The following CA4 variants were observed in gnomAD, a reference collection of about 807,000 sequenced individuals.
CA4 encodes CA-IV.
CA4 carries 24 observed loss-of-function variants against 34.5 expected under a neutral mutation model. The ratio of observed to expected loss-of-function variants is 0.70; its 90% CI spans 0.50 to 0.98. The LOEUF is 0.98. Ranked by LOEUF, CA4 falls within the 50% of genes least tolerant of loss-of-function variation. The pLI, the probability that CA4 is intolerant of heterozygous loss-of-function variation, is 0.00. For synonymous variants in CA4, 178 were observed against 170.6 expected, an observed-to-expected ratio of 1.04 and a Z score of -0.34; for missense variants, 394 against 396.7, an observed-to-expected ratio of 0.99 and a Z score of 0.06.
chr17:60,150,908 C>A (rs888830123), intron 1 of CA4, among the ~76,000 whole-genome samples: 2 of 149,868 alleles, frequency 1.3e-5, no homozygotes, highest in Non-Finnish European at 3.0e-5. Flanking sequence ...TAACCTCCAG[C>A]GCTGAATTGG....
intron 5 of CA4, among the ~76,000 whole-genome samples, chr17:60,165,974 C>T (rs1191807225): frequency 1.3e-5 from 2 of 152,130 alleles, no homozygotes; most frequent in Non-Finnish European, 2.9e-5. Context: ...CTCCATCCCA[C>T]TTATAAGAGG....
chr17:60,161,688 T>C (rs1167621094), downstream of CA4, among the ~76,000 whole-genome samples: 1 of 151,202 alleles, frequency 6.6e-6, no homozygotes, highest in African/African-American at 2.4e-5. Context: ...TTTCCCTCCG[T>C]CTTCCCTTTT....
intron 1 of CA4, among the ~76,000 whole-genome samples, chr17:60,154,942 C>T (rs1186460258): frequency 6.6e-6 from 1 of 152,186 alleles, no homozygotes; most frequent in East Asian, 1.9e-4. Context: ...CTCCTCTCAC[C>T]AGCCTCTTTT....
chr17:60,150,876 T>A (rs1336518661), intron 1 of CA4, among the ~76,000 whole-genome samples: 1 of 138,094 alleles, frequency 7.2e-6, no homozygotes, highest in Non-Finnish European at 1.6e-5. Context: ...CCCCTGAGGG[T>A]CGCAAGCTCC....
At chr17:60,163,561 GCT>G (rs1260516729), downstream of CA4, among the ~76,000 whole-genome samples, 2 of 152,158 alleles carry the variant, frequency 1.3e-5, no homozygotes, top group Non-Finnish European at 2.9e-5. Flanking sequence ...TGTCCTAGCC[GCT>G]CTGTTTGTTT....
intron 7 of CA4, 50 bp downstream of exon 7, chr17:60,158,496 GAAAT>G: frequency 1.3e-6 from 2 of 1,588,442 alleles, no homozygotes; most frequent in Non-Finnish European, 1.7e-6. Flanking sequence ...TGGCTCCCCA[GAAAT>G]TATCCCTCTG....
At chr17:60,176,586 T>C in the CA4 span, among the ~76,000 whole-genome samples, 1 of 152,158 alleles carries the variant, frequency 6.6e-6, no homozygotes, top group Non-Finnish European at 1.5e-5. Context: ...GGACCCACTG[T>C]AGGTACCAAT....
At chr17:60,165,713 C>T (rs2145301286) in intron 5 of CA4, among the ~76,000 whole-genome samples, 1 of 152,236 alleles carries the variant, frequency 6.6e-6, no homozygotes, top group East Asian at 1.9e-4. Flanking sequence ...GCTCCCCCAG[C>T]ACAGGATGAG....
chr17:60,174,057 A>C (rs2083936303), downstream of CA4, among the ~76,000 whole-genome samples: 1 of 152,202 alleles, frequency 6.6e-6, no homozygotes, highest in Non-Finnish European at 1.5e-5. Context: ...TGAGGGAAGA[A>C]TGCTTTTGAG....
chr17:60,158,095 T>C lies in CA4; in HGVS notation c.548T>C (p.Leu183Pro). ...GTQVNEGFQPLVEALSNIPKP... is the reference protein window; with the variant it reads ...GTQVNEGFQPPVEALSNIPKP... The stretch of plus-strand genomic sequence containing the variant: ...CAGGTGAACGAGGGCTTCCAGCCAC[T>C]GGTGGAGGCACTGTCTAATATCCCC... The change falls in exon 6 of 8, where the codon CTG (leucine) becomes CCG (proline). Residue 183 changes from leucine (L) to proline (P), a missense_variant. Physicochemically the swap from Leu to Pro is moderately conservative, Grantham distance 98 (BLOSUM62 -3). Transcript: ENST00000300900. 6.2e-7 allele frequency: 1 copy of C among 1,613,482 alleles called. No individual in the cohort carries two copies. Among genetic ancestry groups the C allele is most frequent in the Non-Finnish European group, 8.5e-7 (1 of 1,179,798 alleles).
chr17:60,161,208 G>A (rs1483219765), downstream of CA4, among the ~76,000 whole-genome samples: 1 of 152,024 alleles, frequency 6.6e-6, no homozygotes, highest in Non-Finnish European at 1.5e-5. Flanking sequence ...GAGGGAAGTG[G>A]AGGGAGAGAC....
At chr17:60,150,647 C>A (rs1199200608) in intron 1 of CA4, among the ~76,000 whole-genome samples, 1 of 113,820 alleles carries the variant, frequency 8.8e-6, no homozygotes, top group African/African-American at 3.1e-5. Context: ...CAGCCTGGTG[C>A]TCCGTTTAAA....
At chr17:60,154,796 G>A (rs1435361799) in intron 1 of CA4, among the ~76,000 whole-genome samples, 1 of 152,202 alleles carries the variant, frequency 6.6e-6, no homozygotes, top group African/African-American at 2.4e-5. Context: ...GCCAAGAAGG[G>A]ATCTTAGTAA....
chr17:60,174,580 GCA>G (rs1443034343), downstream of CA4, among the ~76,000 whole-genome samples: 2 of 152,098 alleles, frequency 1.3e-5, no homozygotes, highest in African/African-American at 2.4e-5. Flanking sequence ...TGTGACTGCT[GCA>G]CACTTATCTA....
intron 3 of CA4, 130 bp downstream of exon 3, chr17:60,156,845 T>C (rs2145270742): frequency 2.4e-6 from 2 of 850,136 alleles, no homozygotes; most frequent in Admixed American, 1.9e-5. Context: ...GAAAATCCCA[T>C]GGGGGAGGAC....
chr17:60,156,539 C>T (rs775165795), intron 2 of CA4, 21 bp from the exon 3 acceptor site: 2 of 1,613,972 alleles, frequency 1.2e-6, no homozygotes, highest in South Asian at 2.2e-5. Flanking sequence ...GACTCTCAGC[C>T]CACCTTCTCT....
chr17:60,150,013 G>C lies in CA4; in HGVS notation c.-22G>C. The C allele has an allele frequency of 1.3e-6, 2 of 1,598,990 alleles. No individual in the cohort carries two copies. Among genetic ancestry groups the C allele is most frequent in the Non-Finnish European group, 8.5e-7 (1 of 1,176,322 alleles). On this transcript the variant is annotated 5_prime_UTR_variant, in exon 1 of 8. Coordinates refer to ENST00000300900, the MANE Select transcript of CA4 (RefSeq NM_000717.5). ...CTCGGTGCGCGACCCCCGGCTCAGA[G>C]GACTCTTTGCTGTCCCGCAAGATGC...
rs1343069048 is a variant in CA4 at position 60,157,420 on chromosome 17, CT to C, written c.269-6del. The C allele has an allele frequency of 6.2e-7, 1 of 1,614,202 alleles. No individual in the cohort carries two copies. The highest frequency in any genetic ancestry group is 1.1e-5 in the South Asian group (1 of 91,086). On this transcript the variant is annotated splice_polypyrimidine_tract_variant and splice_region_variant and intron_variant, in intron 3 of 7. Coordinates refer to ENST00000300900, the MANE Select transcript of CA4 (RefSeq NM_000717.5). ...GTTCGAGGACTCTGCCCCTTCTGTG[CT>C]CCCAGTGATGATGTTGCTGGAGAAC...
downstream of CA4, among the ~76,000 whole-genome samples, chr17:60,160,751 A>AG (rs1491205043): frequency 1.5e-3 from 2 of 1,378 alleles, no homozygotes; most frequent in Non-Finnish European, 0.024. Flanking sequence ...ACTCTGTCTC[A>AG]AAAAAAAAAA....
Sources: gnomAD v4.1 joint callset for allele counts (sites outside exome capture counted in the v4.1 genomes callset) on GRCh38, gnomAD v4.1.1 for gene constraint, MANE v1.5 for transcripts, NCBI Gene and HGNC (gene_info 2026-07-23, HGNC 2026-07-21) for gene names.